DNAH12: variants seen among roughly 807,000 people sequenced by gnomAD.
The protein encoded by DNAH12 is dynein axonemal heavy chain 12, also known as axonemal beta dynein heavy chain 12.
DNAH12 carries 285 observed loss-of-function variants against 371.5 expected under a neutral mutation model. That is an observed-to-expected ratio of 0.77 (90% CI 0.70 to 0.85). The LOEUF (loss-of-function observed/expected upper bound fraction) is 0.85, where lower values mean the gene tolerates loss of function less well. DNAH12 is among the 40% of genes least tolerant of loss of function. The pLI is 0.00. For synonymous variants in DNAH12, 1,200 were observed against 1,213.0 expected (o/e 0.99, Z 0.22); for missense variants, 3,611 against 3,689.4 (o/e 0.98, Z 0.55).
At chr3:57,537,146 A>G (rs1266577891) in intron 2 of DNAH12, among the ~76,000 whole-genome samples, 1 of 152,120 alleles carries the variant, frequency 6.6e-6, no homozygotes, top group Non-Finnish European at 1.5e-5. Context: ...GTGAACAGAG[A>G]TCGCACCACT....
intron 40 of DNAH12, among the ~76,000 whole-genome samples, chr3:57,406,153 C>T (rs1490180013): frequency 6.6e-6 from 1 of 152,062 alleles, no homozygotes; most frequent in Non-Finnish European, 1.5e-5. Flanking sequence ...GAGTTCGAGA[C>T]AAGCCTGGCC....
intron 60 of DNAH12, among the ~76,000 whole-genome samples, chr3:57,337,616 G>A (rs1333071165): frequency 6.6e-6 from 1 of 152,106 alleles, no homozygotes; most frequent in Non-Finnish European, 1.5e-5. Context: ...CCAAGATTGT[G>A]CCATTGCACT....
Position 57,487,952 on chromosome 3 carries a change from C to T in DNAH12, c.1514+1557G>A, listed in dbSNP as rs1260881189. Among the ~76,000 whole-genome samples the T allele has an allele frequency of 2.6e-5, 4 of 151,470 alleles. No individual in the cohort carries two copies. The East Asian group carries it at 7.7e-4, about 29-fold the overall frequency. On this transcript the variant is annotated intron_variant, in intron 12 of 73. Transcript: ENST00000495027. The stretch of plus-strand genomic sequence containing the variant: ...TTGTTACTCATCAGGATGGTTACAA[C>T]TCTCAAGAAAGGGAAAGGTTCTAAT...
intron 53 of DNAH12, among the ~76,000 whole-genome samples, chr3:57,376,168 TTTCA>T (rs1433747056): frequency 3.9e-5 from 6 of 152,012 alleles, no homozygotes; most frequent in Non-Finnish European, 8.8e-5. Context: ...ACAATCTTCC[TTTCA>T]TTATTAGAAT....
At chr3:57,502,554 T>TCTA in intron 9 of DNAH12, 75 bp from the exon 10 acceptor site, 1 of 1,437,902 alleles carries the variant, frequency 7.0e-7, no homozygotes, top group Non-Finnish European at 9.4e-7. Context: ...GTAGATCTTT[T>TCTA]TTTTTTTCCT....
At chr3:57,352,440 G>C (rs1553660904) in intron 59 of DNAH12, among the ~76,000 whole-genome samples, 2 of 152,088 alleles carry the variant, frequency 1.3e-5, no homozygotes, top group Middle Eastern at 3.2e-3. Flanking sequence ...CAAGATGCTA[G>C]CACTGGAGAA....
chr3:57,385,814 G>A (rs2063489659), intron 47 of DNAH12, among the ~76,000 whole-genome samples: 1 of 152,132 alleles, frequency 6.6e-6, no homozygotes, highest in East Asian at 1.9e-4. Flanking sequence ...CCCGGGAGGT[G>A]GAGCTGCAGT....
intron 43 of DNAH12, among the ~76,000 whole-genome samples, chr3:57,401,537 C>G (rs1575547678): frequency 7.6e-6 from 1 of 131,956 alleles, no homozygotes; most frequent in African/African-American, 3.0e-5. Context: ...GCACTCCAGC[C>G]TGGGTGACAG....
chr3:57,397,802 G>T (rs983551344), intron 43 of DNAH12, among the ~76,000 whole-genome samples: 17 of 152,160 alleles, frequency 1.1e-4, no homozygotes, highest in African/African-American at 3.9e-4. Context: ...TAGGTTGATT[G>T]GTGAAGATCT....
chr3:57,376,578 C>A (rs1319757427), intron 53 of DNAH12, among the ~76,000 whole-genome samples: 2 of 152,080 alleles, frequency 1.3e-5, no homozygotes, highest in African/African-American at 4.8e-5. Flanking sequence ...TAGAATAAAG[C>A]TTACTGGCTT....
At position 57,493,958 on chromosome 3, in the gene DNAH12, A is replaced by G. The variant is rs80228117; in HGVS notation, c.1336-4271T>C. On this transcript the variant is annotated intron_variant, in intron 11 of 73. Transcript: ENST00000495027. ...TTCCCTCTAAGATCAAGAACAAGAT[A>G]AGGGTGGTTCGTGCTTGTAATGCCA... Among the ~76,000 whole-genome samples, 985 of 152,288 alleles carry G rather than the reference A, an allele frequency of 6.5e-3. 14 individuals carry two copies. The highest frequency in any genetic ancestry group is 0.023 in the African/African-American group (941 of 41,564).
intron 16 of DNAH12, among the ~76,000 whole-genome samples, chr3:57,469,730 A>G (rs2066313546): frequency 6.6e-6 from 1 of 152,196 alleles, no homozygotes; most frequent in African/African-American, 2.4e-5. Flanking sequence ...TGATGGAGGA[A>G]CAGAAAACCA....
intron 13 of DNAH12, among the ~76,000 whole-genome samples, chr3:57,474,627 A>G (rs1180036648): frequency 6.6e-6 from 1 of 152,064 alleles, no homozygotes; most frequent in Non-Finnish European, 1.5e-5. Context: ...GAAAATTTTA[A>G]AAGAAAAATT....
chr3:57,309,401 T>A, intron 68 of DNAH12, 147 bp from the exon 69 acceptor site: 2 of 715,468 alleles, frequency 2.8e-6, no homozygotes, highest in Non-Finnish European at 4.4e-6. Context: ...CTATGTACCT[T>A]AGCTCATCCA....
At position 57,400,638 on chromosome 3, in the gene DNAH12, T is replaced by C. The variant is rs1000575176; in HGVS notation, c.6948+2671A>G. ...TTACAACATACTGTAATAAAAGTTA[T>C]GTGAATGTGGTCCCTTTCACTCTCA... On this transcript the variant is annotated intron_variant, in intron 43 of 73. Transcript: ENST00000495027. Among the ~76,000 whole-genome samples, 180 of 152,348 alleles carry C rather than the reference T, an allele frequency of 1.2e-3. 1 individual carries two copies. Among genetic ancestry groups the C allele is most frequent in the Non-Finnish European group, 2.0e-3 (138 of 68,024 alleles).
intron 2 of DNAH12, among the ~76,000 whole-genome samples, chr3:57,525,194 G>T (rs186555923): frequency 6.6e-6 from 1 of 151,512 alleles, no homozygotes; most frequent in Admixed American, 6.6e-5. Flanking sequence ...GAAGGAAAGG[G>T]TGTCCACTGG....
At chr3:57,421,261 G>A (rs1357667633) in intron 36 of DNAH12, among the ~76,000 whole-genome samples, 1 of 151,978 alleles carries the variant, frequency 6.6e-6, no homozygotes, top group Non-Finnish European at 1.5e-5. Flanking sequence ...TCAAATACTT[G>A]CTGTTTAAAA....
chr3:57,419,253 C>T, intron 37 of DNAH12, 114 bp downstream of exon 37: 1 of 1,079,036 alleles, frequency 9.3e-7, no homozygotes, highest in South Asian at 1.9e-5. Flanking sequence ...AACAAGTCCC[C>T]CAGGATTTCA....
intron 28 of DNAH12, 96 bp downstream of exon 28, chr3:57,445,078 A>G (rs1009637910): frequency 5.9e-6 from 8 of 1,347,498 alleles, no homozygotes; most frequent in Non-Finnish European, 7.9e-6. Context: ...ACAAAGCTCA[A>G]CCCTCTCAAG....
Sources: gnomAD v4.1 joint callset for allele counts (sites outside exome capture counted in the v4.1 genomes callset) on GRCh38, gnomAD v4.1.1 for gene constraint, MANE v1.5 for transcripts, NCBI Gene and HGNC (gene_info 2026-07-23, HGNC 2026-07-21) for gene names.